BRDT: variants seen among roughly 807,000 people sequenced by gnomAD.
BRDT encodes the protein bromodomain testis associated, also known as bromodomain testis-specific protein.
BRDT carries 77 observed loss-of-function variants against 113.9 expected under a neutral mutation model. The observed-to-expected ratio is 0.68, with a 90% CI of 0.56 to 0.82. BRDT has a LOEUF of 0.82. Among genes scored for constraint, BRDT ranks in the 40% least tolerant of loss-of-function variants. The probability of loss-of-function intolerance (pLI) is 0.00; values close to 1 mark genes in which losing one functional copy is unlikely to be tolerated. For synonymous variants in BRDT, 358 were observed against 366.5 expected (o/e 0.98, Z 0.26); for missense variants, 1,027 against 1,105.4 (o/e 0.93, Z 1.01).
Position 91,994,150 on chromosome 1 carries a change from A to G in BRDT, c.2183A>G (p.His728Arg). ...CTTGTTCATCAGACCACACCTTCACATGTAATGCCACCAAATCACCACCAA... is the reference window on the plus strand; with the variant it reads ...CTTGTTCATCAGACCACACCTTCACGTGTAATGCCACCAAATCACCACCAA... ...TTLVHQTTPS[H>R]VMPPNHHQLA... The change falls in exon 15 of 19, where the codon CAT becomes CGT. Residue 728 changes from histidine (H) to arginine (R), a missense_variant. Transcript: ENST00000399546. 5 of 1,613,782 alleles carry G rather than the reference A, an allele frequency of 3.1e-6. No individual in the cohort carries two copies. The highest frequency in any genetic ancestry group is 4.2e-6 in the Non-Finnish European group (5 of 1,179,794).
At chr1:92,006,624 G>A (rs963467912) in intron 18 of BRDT, among the ~76,000 whole-genome samples, 3 of 147,796 alleles carry the variant, frequency 2.0e-5, no homozygotes, top group African/African-American at 7.5e-5. Context: ...ACGCCACCAT[G>A]CCTGGCTAAT....
chr1:92,004,576 G>A lies in BRDT; in HGVS notation c.2551G>A (p.Glu851Lys), dbSNP rs113094051. 17 of 1,611,314 alleles carry A rather than the reference G, an allele frequency of 1.1e-5. No homozygotes were observed. The South Asian group carries it at 1.8e-4, about 17-fold the overall frequency. Residue 851 changes from glutamate (E) to lysine (K), a missense_variant, in exon 17 of 19, where the codon GAA becomes AAA. By Grantham distance (56) the Glu-to-Lys change is moderately conservative. Transcript: ENST00000399546. ...ACAGGAACTCATACGGAAGCATTTG[G>A]AACAAAATACAAAGGAACTAAAAGC... ...RTQELIRKHL[E>K]QNTKELKASQ...
Position 91,995,489 on chromosome 1 carries a change from G to A in BRDT, c.2287+1235G>A, listed in dbSNP as rs199553091. On this transcript the variant is annotated intron_variant, in intron 15 of 18. Transcript: ENST00000399546. Reference sequence around the variant, plus strand: ...AAATTTTTTTTTGAGATGGAGTCTCGCTCTGTCTTGCAGGTGGGAGTGCAG... The same window carrying A: ...AAATTTTTTTTTGAGATGGAGTCTCACTCTGTCTTGCAGGTGGGAGTGCAG... Among the ~76,000 whole-genome samples the A allele has an allele frequency of 1.4e-4, 21 of 148,692 alleles. No individual in the cohort carries two copies. In the East Asian group the frequency reaches 4.4e-3, roughly 31 times the overall value.
chr1:91,962,282 CT>C (rs11310260), intron 1 of BRDT, among the ~76,000 whole-genome samples: 102,159 of 134,560 alleles, frequency 0.76, 40,557 homozygotes, highest in Non-Finnish European at 0.86. Context: ...TGCCATTTGG[CT>C]TTTTTTTTTT....
At chr1:91,986,319 G>C (rs1173839208) in intron 12 of BRDT, among the ~76,000 whole-genome samples, 1 of 151,746 alleles carries the variant, frequency 6.6e-6, no homozygotes, top group Non-Finnish European at 1.5e-5. Context: ...TAATGATACT[G>C]AGAAAAAAAA....
Position 91,968,136 on chromosome 1 carries a change from T to A in BRDT, c.331-10T>A. 1 of 1,613,134 alleles carries A rather than the reference T, an allele frequency of 6.2e-7. No individual in the cohort carries two copies. The highest frequency in any genetic ancestry group is 8.5e-7 in the Non-Finnish European group (1 of 1,179,602). ...GTATATCCTTATGGTATATTTAATA[T>A]ATTTTGTAGCCTGGAGATGACATTG... On this transcript the variant is annotated splice_polypyrimidine_tract_variant and intron_variant, in intron 3 of 18. Transcript: ENST00000399546.
intron 15 of BRDT, among the ~76,000 whole-genome samples, chr1:91,999,061 A>G (rs973446375): frequency 1.3e-5 from 2 of 152,094 alleles, no homozygotes; most frequent in African/African-American, 4.8e-5. Flanking sequence ...GGTGAGTTGA[A>G]GGAAAGGAGA....
At chr1:91,958,652 T>A (rs1159266920) in intron 1 of BRDT, among the ~76,000 whole-genome samples, 1 of 152,218 alleles carries the variant, frequency 6.6e-6, no homozygotes, top group Non-Finnish European at 1.5e-5. Flanking sequence ...GCTATAAACA[T>A]CCTGTGTAAG....
At position 91,980,941 on chromosome 1, in the gene BRDT, G is replaced by A. The variant is rs138622087; in HGVS notation, c.1513G>A (p.Asp505Asn). ...CATTGGTCTAAAATCTGAAGATGAA[G>A]ATAATGCTAAACCTATGAACTATGA... ...QFIGLKSEDE[D>N]NAKPMNYDEK... is the part of the protein sequence containing the mutation. The change falls in exon 10 of 19, where the codon GAT becomes AAT. Residue 505 changes from aspartate to asparagine, a missense_variant. Coordinates refer to ENST00000399546, the MANE Select transcript of BRDT (RefSeq NM_207189.4). 3 of 1,612,974 alleles carry A rather than the reference G, an allele frequency of 1.9e-6. No individual in the cohort carries two copies. The highest frequency in any genetic ancestry group is 2.7e-5 in the African/African-American group (2 of 74,864).
At chr1:91,968,612 A>T (rs1683307654) in intron 4 of BRDT, among the ~76,000 whole-genome samples, 1 of 151,082 alleles carries the variant, frequency 6.6e-6, no homozygotes, top group Non-Finnish European at 1.5e-5. Context: ...TCTCTGTATT[A>T]AAAAAAAATT....
intron 15 of BRDT, among the ~76,000 whole-genome samples, chr1:91,996,747 T>C (rs1686377991): frequency 6.6e-6 from 1 of 152,194 alleles, no homozygotes; most frequent in Admixed American, 6.5e-5. Context: ...ATATACTTCG[T>C]TAGGATGAAT....
chr1:91,984,143 G>A (rs1684981385), intron 12 of BRDT, among the ~76,000 whole-genome samples: 1 of 152,154 alleles, frequency 6.6e-6, no homozygotes, highest in African/African-American at 2.4e-5. Context: ...AATTGCAAAT[G>A]CAAAGACAAA....
At chr1:91,996,290 C>A (rs901350867) in intron 15 of BRDT, among the ~76,000 whole-genome samples, 8 of 151,980 alleles carry the variant, frequency 5.3e-5, no homozygotes, top group African/African-American at 1.9e-4. Context: ...GCCCTGTTGC[C>A]CAGGCTGGAG....
intron 4 of BRDT, among the ~76,000 whole-genome samples, chr1:91,968,568 G>A (rs1427044376): frequency 6.6e-6 from 1 of 152,024 alleles, no homozygotes; most frequent in East Asian, 1.9e-4. Context: ...TTGCATCTGT[G>A]CTGTACTGAT....
chr1:91,953,440 G>A (rs1681353722), intron 1 of BRDT, among the ~76,000 whole-genome samples: 1 of 152,138 alleles, frequency 6.6e-6, no homozygotes, highest in South Asian at 2.1e-4. Flanking sequence ...AGCTCTTTGG[G>A]AGGCTGAGGC....
intron 18 of BRDT, among the ~76,000 whole-genome samples, chr1:92,013,017 C>T (rs558677307): frequency 2.0e-5 from 3 of 151,858 alleles, no homozygotes; most frequent in South Asian, 2.1e-4. Context: ...GTCAGGAGTT[C>T]GACGCCAGCC....
chr1:92,007,946 T>A (rs190781766), intron 18 of BRDT, among the ~76,000 whole-genome samples: 15 of 152,274 alleles, frequency 9.9e-5, no homozygotes, highest in Non-Finnish European at 1.8e-4. Flanking sequence ...AGGTGGAGTT[T>A]CGCTCTTGTC....
At chr1:91,980,063 A>C (rs1684568319) in intron 8 of BRDT, among the ~76,000 whole-genome samples, 1 of 152,168 alleles carries the variant, frequency 6.6e-6, no homozygotes, top group East Asian at 1.9e-4. Context: ...GCTTTTTATG[A>C]TAAAATGTTA....
At chr1:91,960,683 G>A (rs946234436) in intron 1 of BRDT, among the ~76,000 whole-genome samples, 8 of 152,118 alleles carry the variant, frequency 5.3e-5, no homozygotes, top group African/African-American at 1.9e-4. Context: ...GGTAAATTTT[G>A]GTATGTTTTA....
Sources: gnomAD v4.1 joint callset for allele counts (sites outside exome capture counted in the v4.1 genomes callset) on GRCh38, gnomAD v4.1.1 for gene constraint, MANE v1.5 for transcripts, NCBI Gene and HGNC (gene_info 2026-07-23, HGNC 2026-07-21) for gene names.